Variants in JCAD observed in about 807,000 individuals in gnomAD.
JCAD encodes the protein junctional cadherin 5-associated protein.
In JCAD, 40 loss-of-function variants were observed where a neutral mutation model predicts 98.0. The ratio of observed to expected loss-of-function variants is 0.41; its 90% CI spans 0.32 to 0.53. The LOEUF (loss-of-function observed/expected upper bound fraction) is 0.53, where lower values mean the gene tolerates loss of function less well. Among genes scored for constraint, JCAD ranks in the 20% least tolerant of loss-of-function variants. The pLI is 0.31. For missense variants in JCAD, 1,705 were observed against 1,738.1 expected (o/e 0.98, Z 0.34); for synonymous variants, 691 against 682.3 (o/e 1.01, Z -0.20).
rs1466854936 is a variant in JCAD, at chr10:30,047,617, C to T, written c.196G>A (p.Val66Met). 6.2e-7 allele frequency: 1 copy of T among 1,614,100 alleles called. No individual in the cohort carries two copies. Among genetic ancestry groups the T allele is most frequent in the Non-Finnish European group, 8.5e-7 (1 of 1,180,040 alleles). The change falls in exon 2 of 4, where the codon GTG becomes ATG. Residue 66 changes from valine (V) to methionine (M), a missense_variant. Physicochemically the swap from Val to Met is conservative, Grantham distance 21. Coordinates refer to ENST00000375377, the MANE Select transcript of JCAD (RefSeq NM_020848.4). ...CTGCGGCGGCTTTCGGAGTCACTCACATGTCCTTTCCCCGCGGACGTCTTA... is the reference window on the plus strand; with the variant it reads ...CTGCGGCGGCTTTCGGAGTCACTCATATGTCCTTTCCCCGCGGACGTCTTA... The part of the protein sequence containing the change: ...HRKTSAGKGH[V>M]SDSESRRSTP...
chr10:30,026,480 G>T lies in JCAD; in HGVS notation c.3668C>A (p.Thr1223Asn). 2.5e-6 allele frequency: 4 copies of T among 1,614,202 alleles called. No homozygotes were observed. Among genetic ancestry groups the T allele is most frequent in the Non-Finnish European group, 3.4e-6 (4 of 1,180,044 alleles). Residue 1223 changes from threonine (T) to asparagine (N), a missense_variant, in exon 3 of 4, where the codon ACC becomes AAC. Transcript: ENST00000375377. Reference sequence around the variant, plus strand: ...CTTTTCAGAGCCTGCCACACTTGGGGTTCTTTCTACAAAATGGAATAAAGT... The same window carrying T: ...CTTTTCAGAGCCTGCCACACTTGGGTTTCTTTCTACAAAATGGAATAAAGT... ...RSTLFHFVER[T>N]PSVAGSEKRL...
At chr10:30,112,333 G>A (rs1195741904) in intron 1 of JCAD, among the ~76,000 whole-genome samples, 2 of 151,720 alleles carry the variant, frequency 1.3e-5, no homozygotes, top group Non-Finnish European at 2.9e-5. Flanking sequence ...AAAAAAATTA[G>A]CTGGGTACAA....
chr10:30,028,966 C>T lies in JCAD; in HGVS notation c.1182G>A (p.Gly394=), dbSNP rs1836917779. ...AGCGGGGGCTCACACCATACTCATTCCCAGTTCCAGGGGGGCCTGAAGGAG... is the reference window on the plus strand; with the variant it reads ...AGCGGGGGCTCACACCATACTCATTTCCAGTTCCAGGGGGGCCTGAAGGAG... The part of the protein sequence containing the change: ...GQPPSGPPGT[G]NEYGVSPRLP... Residue 394 remains glycine, a synonymous_variant, in exon 3 of 4, where the codon GGG becomes GGA. Transcript: ENST00000375377. 3.7e-6 allele frequency: 6 copies of T among 1,614,016 alleles called. No individual in the cohort carries two copies. The African/African-American group carries it at 4.0e-5, about 11-fold the overall frequency.
At chr10:30,036,357 G>A (rs1446486237) in intron 2 of JCAD, among the ~76,000 whole-genome samples, 2 of 152,058 alleles carry the variant, frequency 1.3e-5, no homozygotes, top group South Asian at 2.1e-4. Context: ...ACCGAGGCAG[G>A]AGAATGGCTT....
intron 2 of JCAD, among the ~76,000 whole-genome samples, chr10:30,042,481 C>T (rs992609829): frequency 1.3e-5 from 2 of 152,168 alleles, no homozygotes; most frequent in African/African-American, 4.8e-5. Flanking sequence ...GCAGTGGGTT[C>T]TGAAGCTAAG....
Position 30,027,128 on chromosome 10 carries a change from C to T in JCAD, c.3020G>A (p.Ser1007Asn), listed in dbSNP as rs761527269. ...REPQESPKIT[S>N]AFSSVKPSEA... Reference sequence around the variant, plus strand: ...ACTTGGTTTCACAGAGCTGAAAGCACTGGTGATTTTCGGACTTTCCTGGGG... The same window carrying T: ...ACTTGGTTTCACAGAGCTGAAAGCATTGGTGATTTTCGGACTTTCCTGGGG... The change falls in exon 3 of 4, where the codon AGT becomes AAT. Residue 1007 changes from serine to asparagine, a missense_variant. Transcript: ENST00000375377. 8 of 1,614,212 alleles carry T rather than the reference C, an allele frequency of 5.0e-6. No homozygotes were observed. The highest frequency in any genetic ancestry group is 2.2e-5 in the South Asian group (2 of 91,092).
chr10:30,099,063 T>C (rs1838425649), intron 1 of JCAD, among the ~76,000 whole-genome samples: 1 of 152,254 alleles, frequency 6.6e-6, no homozygotes, highest in Admixed American at 6.5e-5. Context: ...TAGTTTATCC[T>C]TCACCCAGGA....
chr10:30,051,286 A>G (rs538201269), intron 1 of JCAD, among the ~76,000 whole-genome samples: 1,516 of 142,354 alleles, frequency 0.011, 26 homozygotes, highest in Middle Eastern at 0.056. Context: ...ACACGCACGC[A>G]CACACACACA....
chr10:30,090,109 A>G (rs571593497), intron 1 of JCAD, among the ~76,000 whole-genome samples: 2 of 152,342 alleles, frequency 1.3e-5, no homozygotes, highest in South Asian at 4.1e-4. Context: ...GCTCAGCAAT[A>G]TGATAAATGG....
intron 1 of JCAD, among the ~76,000 whole-genome samples, chr10:30,102,032 C>T (rs1239433912): frequency 6.6e-6 from 1 of 152,158 alleles, no homozygotes; most frequent in Non-Finnish European, 1.5e-5. Context: ...TAGTACTCTA[C>T]CCTTCAGACC....
chr10:30,019,357 C>CAAAAAAAAAAAAAAAAAA, intron 3 of JCAD, among the ~76,000 whole-genome samples: 1 of 100,308 alleles, frequency 1.0e-5, no homozygotes, highest in African/African-American at 3.9e-5. Flanking sequence ...AACTCTGTCT[C>CAAAAAAAAAAAAAAAAAA]AAAAAAAAAA....
Position 30,054,512 on chromosome 10 carries a change from T to C in JCAD, c.-60+4970A>G, listed in dbSNP as rs1459463520. Among the ~76,000 whole-genome samples the C allele has an allele frequency of 4.0e-5, 6 of 151,802 alleles. No homozygotes were observed. The East Asian group carries it at 1.2e-3, about 29-fold the overall frequency. ...ATATATAATATCCACATTCTTATTA[T>C]ATAATTTAATATAACAATATTGTTT... On this transcript the variant is annotated intron_variant, in intron 1 of 3. Coordinates refer to ENST00000375377, the MANE Select transcript of JCAD (RefSeq NM_020848.4).
At chr10:30,024,963 G>A (rs182410219) in intron 3 of JCAD, among the ~76,000 whole-genome samples, 2 of 151,970 alleles carry the variant, frequency 1.3e-5, no homozygotes, top group Non-Finnish European at 2.9e-5. Flanking sequence ...CCAAAGTGTT[G>A]GGATTACAGG....
At chr10:30,103,733 CTTTTTTT>C (rs3858238) in intron 1 of JCAD, among the ~76,000 whole-genome samples, 1,531 of 126,750 alleles carry the variant, frequency 0.012, 27 homozygotes, top group Middle Eastern at 0.066. Context: ...GTCAATTTTT[CTTTTTTT>C]TTTTTTTTTT....
intron 2 of JCAD, among the ~76,000 whole-genome samples, chr10:30,039,449 A>G (rs1837196747): frequency 1.3e-5 from 2 of 152,260 alleles, no homozygotes; most frequent in Admixed American, 1.3e-4. Flanking sequence ...CTGCAGGGAC[A>G]GAATCCTTCC....
At chr10:30,046,808 T>A (rs1837346639) in intron 2 of JCAD, among the ~76,000 whole-genome samples, 1 of 152,204 alleles carries the variant, frequency 6.6e-6, no homozygotes, top group Non-Finnish European at 1.5e-5. Flanking sequence ...CAAGTGATCT[T>A]GGGCTGGGTG....
Position 30,028,702 on chromosome 10 carries a change from G to C in JCAD, c.1446C>G (p.Pro482=). ...CCAGGCCTCTCTCATCCCCCGACGGGGGTATTAAGCTCTGTGGATTCCAAA... is the reference window on the plus strand; with the variant it reads ...CCAGGCCTCTCTCATCCCCCGACGGCGGTATTAAGCTCTGTGGATTCCAAA... ...GAIWNPQSLI[P]PSGDERGLVL... is the part of the protein sequence containing the mutation. The change falls in exon 3 of 4, where the codon CCC becomes CCG. Residue 482 remains proline, a synonymous_variant. Transcript: ENST00000375377. 3.1e-6 allele frequency: 5 copies of C among 1,611,534 alleles called. No homozygotes were observed. The highest frequency in any genetic ancestry group is 4.2e-6 in the Non-Finnish European group (5 of 1,178,488).
chr10:30,102,089 C>A (rs377190199), intron 1 of JCAD, among the ~76,000 whole-genome samples: 1 of 152,260 alleles, frequency 6.6e-6, no homozygotes, highest in African/African-American at 2.4e-5. Flanking sequence ...TGGCTCTAGA[C>A]GACAGAATCC....
chr10:30,113,816 A>G (rs1463205961), intron 1 of JCAD, among the ~76,000 whole-genome samples: 1 of 152,070 alleles, frequency 6.6e-6, no homozygotes, highest in Non-Finnish European at 1.5e-5. Flanking sequence ...GGCCATTTGA[A>G]TACTTGAACA....
Sources: allele counts gnomAD v4.1 joint callset (sites outside exome capture counted in the v4.1 genomes callset), GRCh38; gene constraint gnomAD v4.1.1; transcripts MANE v1.5; gene names NCBI Gene and HGNC (gene_info 2026-07-23, HGNC 2026-07-21).